The following KLRF1 variants were observed in gnomAD, a reference collection of about 807,000 sequenced individuals.
KLRF1 encodes killer cell lectin like receptor F1.
In KLRF1, 27 loss-of-function variants were observed where a neutral mutation model predicts 30.7. That is an observed-to-expected ratio of 0.88 (90% confidence interval 0.65 to 1.21). The LOEUF (loss-of-function observed/expected upper bound fraction) is 1.21. Ranked by LOEUF, KLRF1 falls within the 50% of genes most tolerant of loss-of-function variation. KLRF1 has a pLI of 0.00. For synonymous variants in KLRF1, 92 were observed against 89.3 expected, an observed-to-expected ratio of 1.03 and a Z score of -0.17; for missense variants, 246 against 259.3, an observed-to-expected ratio of 0.95 and a Z score of 0.35.
intron 1 of KLRF1, among the ~76,000 whole-genome samples, chr12:9,830,322 C>T (rs1304839163): frequency 6.6e-6 from 1 of 151,936 alleles, no homozygotes; most frequent in African/African-American, 2.4e-5. Flanking sequence ...TCAATTGATT[C>T]TTTTATTTTA....
the KLRF1 span, among the ~76,000 whole-genome samples, chr12:9,808,381 AT>A: frequency 3.0e-4 from 46 of 151,300 alleles, no homozygotes; most frequent in East Asian, 7.2e-3. Flanking sequence ...TTGCTTTTTG[AT>A]TTTTTTTTCA....
At chr12:9,801,171 A>G in the KLRF1 span, among the ~76,000 whole-genome samples, 1 of 152,212 alleles carries the variant, frequency 6.6e-6, no homozygotes, top group East Asian at 1.9e-4. Context: ...TGAAAAGGAC[A>G]TGATCTCATT....
chr12:9,831,677 G>T (rs1867431456), intron 1 of KLRF1, among the ~76,000 whole-genome samples: 2 of 152,104 alleles, frequency 1.3e-5, no homozygotes, highest in Non-Finnish European at 2.9e-5. Flanking sequence ...TCTACTGTCT[G>T]TCCAATGATA....
At chr12:9,801,158 C>A in the KLRF1 span, among the ~76,000 whole-genome samples, 1 of 151,982 alleles carries the variant, frequency 6.6e-6, no homozygotes, top group Non-Finnish European at 1.5e-5. Context: ...TCATTCATGT[C>A]CCTGAAAAGG....
At chr12:9,834,231 C>T (rs1867518665) in intron 3 of KLRF1, among the ~76,000 whole-genome samples, 1 of 152,000 alleles carries the variant, frequency 6.6e-6, no homozygotes, top group South Asian at 2.1e-4. Context: ...CAGGAACAAG[C>T]CATTTTCACT....
At position 9,842,363 on chromosome 12, in the gene KLRF1, A is replaced by G; in HGVS notation, c.517A>G (p.Ile173Val). The change falls in exon 5 of 6, where the codon ATT becomes GTT. Residue 173 changes from isoleucine to valine, a missense_variant. By Grantham distance (29) the Ile-to-Val change is conservative (BLOSUM62 3). Transcript: ENST00000617889. ...KNLRQLNYVW[I>V]GLNFTSLKMT... ...CCTAAGACAATTAAACTACGTATGGATTGGGCTTAACTTTACCTCCTTGAA... is the reference window on the plus strand; with the variant it reads ...CCTAAGACAATTAAACTACGTATGGGTTGGGCTTAACTTTACCTCCTTGAA... The G allele has an allele frequency of 6.2e-7, 1 of 1,612,286 alleles. No homozygotes were observed. Among genetic ancestry groups the G allele is most frequent in the Non-Finnish European group, 8.5e-7 (1 of 1,178,750 alleles).
At chr12:9,801,505 A>G in the KLRF1 span, among the ~76,000 whole-genome samples, 1 of 151,972 alleles carries the variant, frequency 6.6e-6, no homozygotes, top group Non-Finnish European at 1.5e-5. Context: ...CCTCACCAGC[A>G]TCTATAGTTT....
chr12:9,816,108 C>T, the KLRF1 span, among the ~76,000 whole-genome samples: 5 of 152,304 alleles, frequency 3.3e-5, no homozygotes, highest in East Asian at 9.6e-4. Context: ...TGAGCCACTG[C>T]GCCTGGCCAC....
chr12:9,825,356 G>A (rs1313610264), upstream of KLRF1, among the ~76,000 whole-genome samples: 2 of 151,056 alleles, frequency 1.3e-5, no homozygotes, highest in Admixed American at 1.3e-4. Flanking sequence ...AAATAGTGCT[G>A]CACAACTACA....
chr12:9,829,059 A>T (rs996803239), intron 1 of KLRF1, among the ~76,000 whole-genome samples: 2 of 152,172 alleles, frequency 1.3e-5, no homozygotes, highest in African/African-American at 4.8e-5. Flanking sequence ...TGGGGTTATG[A>T]TGTTCATTCA....
At chr12:9,809,144 A>G in the KLRF1 span, among the ~76,000 whole-genome samples, 3 of 152,148 alleles carry the variant, frequency 2.0e-5, no homozygotes, top group Non-Finnish European at 4.4e-5. Flanking sequence ...AGTGTATTAA[A>G]ATCTAAACTG....
At chr12:9,818,475 GAGGA>G in the KLRF1 span, among the ~76,000 whole-genome samples, 2 of 152,184 alleles carry the variant, frequency 1.3e-5, no homozygotes, top group African/African-American at 4.8e-5. Flanking sequence ...AATATTGTGT[GAGGA>G]ACCATGACAA....
chr12:9,800,220 T>C, the KLRF1 span, among the ~76,000 whole-genome samples: 2 of 152,136 alleles, frequency 1.3e-5, no homozygotes, highest in African/African-American at 4.8e-5. Context: ...AGAATGAAAG[T>C]CCTATTGCTC....
At chr12:9,823,084 G>C (rs770107150), upstream of KLRF1, among the ~76,000 whole-genome samples, 5 of 152,168 alleles carry the variant, frequency 3.3e-5, no homozygotes, top group East Asian at 5.8e-4. Context: ...ACCTGAACTT[G>C]ACATTGGACC....
chr12:9,830,694 C>G (rs927621108), intron 1 of KLRF1, among the ~76,000 whole-genome samples: 4 of 151,422 alleles, frequency 2.6e-5, no homozygotes, highest in African/African-American at 9.7e-5. Flanking sequence ...GGATTTCCTC[C>G]TATTGAATAA....
Position 9,841,826 on chromosome 12 carries a change from G to A in KLRF1, c.349G>A (p.Glu117Lys). 1 of 1,606,898 alleles carries A rather than the reference G, an allele frequency of 6.2e-7. No homozygotes were observed. Among genetic ancestry groups the A allele is most frequent in the Non-Finnish European group, 8.5e-7 (1 of 1,174,446 alleles). The change falls in exon 4 of 6, where the codon GAA (glutamate) becomes AAA (lysine). Residue 117 changes from glutamate (E) to lysine (K), a missense_variant. By Grantham distance (56) the Glu-to-Lys change is moderately conservative (BLOSUM62 1). Transcript: ENST00000617889. The stretch of plus-strand genomic sequence containing the variant: ...TTTCTCTGTAGTACTATGCCAATCA[G>A]AATGGCTCAAATACCAAGGGAAGTG... ...SADQTVLCQS[E>K]WLKYQGKCYW... is the part of the protein sequence containing the mutation.
intron 1 of KLRF1, 112 bp from the exon 2 acceptor site, chr12:9,832,204 T>C: frequency 1.7e-6 from 1 of 574,352 alleles, no homozygotes; most frequent in African/African-American, 1.9e-5. Context: ...GATTGCCTAA[T>C]ATCTTTTGAA....
the KLRF1 span, among the ~76,000 whole-genome samples, chr12:9,811,319 C>CAAAAAAAAAAAA: frequency 3.2e-5 from 2 of 62,178 alleles, no homozygotes; most frequent in Admixed American, 2.2e-4. Flanking sequence ...AGAAGTAGTC[C>CAAAAAAAAAAAA]AAAAAAAAAA....
intron 2 of KLRF1, 125 bp downstream of exon 2, chr12:9,832,539 A>G (rs1867456593): frequency 6.4e-6 from 4 of 623,322 alleles, no homozygotes; most frequent in Non-Finnish European, 1.1e-5. Context: ...AAGCTACTGC[A>G]TGTAAAGCTC....
Sources: gnomAD v4.1 joint callset for allele counts (sites outside exome capture counted in the v4.1 genomes callset) on GRCh38, gnomAD v4.1.1 for gene constraint, MANE v1.5 for transcripts, NCBI Gene and HGNC (gene_info 2026-07-23, HGNC 2026-07-21) for gene names.